Variants in ROBO2 observed in about 807,000 individuals in gnomAD.
ROBO2 encodes the protein roundabout homolog 2.
A neutral mutation model predicts 160.8 loss-of-function variants in ROBO2; 53 were observed. That is an observed-to-expected ratio of 0.33 (90% CI 0.26 to 0.41). The LOEUF (loss-of-function observed/expected upper bound fraction) is 0.41, where lower values mean the gene tolerates loss of function less well. Among genes scored for constraint, ROBO2 ranks in the 10% least tolerant of loss-of-function variants. The pLI is 1.00. For synonymous variants in ROBO2, 664 were observed against 611.7 expected (o/e 1.09, Z -1.26); for missense variants, 1,577 against 1,722.4 (o/e 0.92, Z 1.49).
chr3:77,498,125 T>C (rs2087047264), intron 5 of ROBO2, among the ~76,000 whole-genome samples: 1 of 152,140 alleles, frequency 6.6e-6, no homozygotes, highest in Non-Finnish European at 1.5e-5. Flanking sequence ...AAACAGGAGA[T>C]TTAATATCTC....
intron 2 of ROBO2, among the ~76,000 whole-genome samples, chr3:76,780,357 G>A (rs1447305810): frequency 1.3e-5 from 2 of 150,714 alleles, no homozygotes; most frequent in Admixed American, 6.6e-5. Flanking sequence ...GTTTACAAAT[G>A]TTTCCTCCCA....
chr3:76,641,568 A>G (rs572847002), intron 2 of ROBO2, among the ~76,000 whole-genome samples: 1 of 152,304 alleles, frequency 6.6e-6, no homozygotes, highest in South Asian at 2.1e-4. Flanking sequence ...AACAGAAGCA[A>G]TATATGATCC....
At chr3:76,353,795 A>G (rs1262908197) in intron 2 of ROBO2, among the ~76,000 whole-genome samples, 1 of 151,646 alleles carries the variant, frequency 6.6e-6, no homozygotes, top group African/African-American at 2.4e-5. Flanking sequence ...AACTTAGAGA[A>G]CTCTCTAAAC....
At chr3:76,782,848 T>C (rs1576592734) in intron 2 of ROBO2, among the ~76,000 whole-genome samples, 1 of 150,836 alleles carries the variant, frequency 6.6e-6, no homozygotes, top group Non-Finnish European at 1.5e-5. Context: ...AAAAATTTCA[T>C]CCATTTGCAT....
chr3:77,365,751 A>G (rs2070765180), intron 2 of ROBO2, among the ~76,000 whole-genome samples: 1 of 124,188 alleles, frequency 8.1e-6, no homozygotes, highest in South Asian at 2.7e-4. Flanking sequence ...TGCTGATAAG[A>G]GGACCTCTCA....
intron 16 of ROBO2, among the ~76,000 whole-genome samples, 178 bp from the exon 18 acceptor site, chr3:77,588,573 C>T (rs947482384): frequency 2.0e-5 from 3 of 152,038 alleles, no homozygotes; most frequent in Admixed American, 1.3e-4. Context: ...TGCAAACTCA[C>T]GATTTGATTA....
At chr3:76,424,395 A>G (rs2076124745) in intron 2 of ROBO2, among the ~76,000 whole-genome samples, 1 of 152,208 alleles carries the variant, frequency 6.6e-6, no homozygotes, top group Non-Finnish European at 1.5e-5. Flanking sequence ...TCTGTGAAAT[A>G]AGCCAGATAC....
At chr3:76,842,073 A>G (rs777310342) in intron 2 of ROBO2, among the ~76,000 whole-genome samples, 6 of 152,246 alleles carry the variant, frequency 3.9e-5, no homozygotes, top group Non-Finnish European at 8.8e-5. Context: ...CATAAAAGGC[A>G]GGTTGCTTAT....
At chr3:76,778,369 G>T (rs921314488) in intron 2 of ROBO2, among the ~76,000 whole-genome samples, 2 of 151,116 alleles carry the variant, frequency 1.3e-5, no homozygotes, top group African/African-American at 4.8e-5. Flanking sequence ...ATGAGCAAAG[G>T]TTATGTGTTT....
chr3:76,588,330 C>A (rs1014303849), intron 2 of ROBO2, among the ~76,000 whole-genome samples: 1 of 152,182 alleles, frequency 6.6e-6, no homozygotes, highest in African/African-American at 2.4e-5. Flanking sequence ...TAAATTCCCA[C>A]TGAATGGATT....
At chr3:76,644,020 A>C (rs2090839288) in intron 2 of ROBO2, among the ~76,000 whole-genome samples, 1 of 152,282 alleles carries the variant, frequency 6.6e-6, no homozygotes, top group Non-Finnish European at 1.5e-5. Context: ...AAATTGTCAC[A>C]TAATGGATTG....
intron 14 of ROBO2, 87 bp downstream of exon 15, chr3:77,574,817 G>T: frequency 1.0e-6 from 1 of 963,020 alleles, no homozygotes; most frequent in Non-Finnish European, 1.6e-6. Flanking sequence ...TTAGAAGAAT[G>T]GAAAGATATC....
intron 2 of ROBO2, among the ~76,000 whole-genome samples, chr3:76,453,263 T>C (rs551635174): frequency 7.2e-5 from 11 of 152,338 alleles, no homozygotes; most frequent in Non-Finnish European, 1.5e-4. Flanking sequence ...GCCTATGTCC[T>C]GAATGGTAAT....
chr3:76,622,234 G>A lies in ROBO2; in HGVS notation c.110-475780G>A, dbSNP rs1560251924. On this transcript the variant is annotated intron_variant, in intron 2 of 26. Transcript: ENST00000487694. Reference sequence around the variant, plus strand: ...AGGAAGGAAGGAAGGAAGGAAGGAAGGAAGAAAGAAAGAAAGAAAGAAAGA... The same window carrying A: ...AGGAAGGAAGGAAGGAAGGAAGGAAAGAAGAAAGAAAGAAAGAAAGAAAGA... Among the ~76,000 whole-genome samples the A allele has an allele frequency of 9.5e-3, 489 of 51,708 alleles. 18 individuals carry two copies. The highest frequency in any genetic ancestry group is 0.029 in the Middle Eastern group (4 of 140). 33.9% of individuals were successfully genotyped at this position (51,708 alleles called of 152,430 possible).
At position 76,669,254 on chromosome 3, in the gene ROBO2, G is replaced by A. The variant is rs1318402398; in HGVS notation, c.110-428760G>A. 2.6e-5 allele frequency among the ~76,000 whole-genome samples: 4 copies of A among 152,084 alleles called. No individual in the cohort carries two copies. In the East Asian group the frequency reaches 7.7e-4, roughly 29 times the overall value. On this transcript the variant is annotated intron_variant, in intron 2 of 26. Transcript: ENST00000487694. ...AAGAGAAGGCATTGCAGCTGTTTCA[G>A]GGAAAATAAAATGCTTCTCGTAACT...
At chr3:76,887,420 G>A (rs528385075) in intron 2 of ROBO2, among the ~76,000 whole-genome samples, 1 of 151,948 alleles carries the variant, frequency 6.6e-6, no homozygotes, top group South Asian at 2.1e-4. Flanking sequence ...AAAAACAGAG[G>A]GAAAGAGTTG....
At chr3:76,856,802 C>T (rs2070141417) in intron 2 of ROBO2, among the ~76,000 whole-genome samples, 1 of 152,130 alleles carries the variant, frequency 6.6e-6, no homozygotes, top group South Asian at 2.1e-4. Flanking sequence ...TTCAGCAAAT[C>T]ATAAACAACC....
At chr3:76,286,317 A>C (rs184549968) in intron 2 of ROBO2, among the ~76,000 whole-genome samples, 132 of 152,326 alleles carry the variant, frequency 8.7e-4, no homozygotes, top group African/African-American at 3.1e-3. Context: ...GATTGAAAAC[A>C]TGAAGTAGAA....
intron 2 of ROBO2, among the ~76,000 whole-genome samples, chr3:77,153,407 A>G (rs1450212004): frequency 6.6e-6 from 1 of 152,064 alleles, no homozygotes; most frequent in Non-Finnish European, 1.5e-5. Context: ...TTCCTTTACC[A>G]TTTTCCCATG....
Sources: allele counts gnomAD v4.1 joint callset (sites outside exome capture counted in the v4.1 genomes callset), GRCh38; gene constraint gnomAD v4.1.1; transcripts MANE v1.5; gene names NCBI Gene and HGNC (gene_info 2026-07-23, HGNC 2026-07-21).